EXOC6: variants seen among roughly 807,000 people sequenced by gnomAD.
EXOC6 encodes exocyst complex component 6, also known as SEC15-like 1.
A neutral mutation model predicts 112.5 loss-of-function variants in EXOC6; 60 were observed. That is an observed-to-expected ratio of 0.53 (90% CI 0.43 to 0.66). The LOEUF (loss-of-function observed/expected upper bound fraction) is 0.66. EXOC6 is among the 30% of genes least tolerant of loss of function. EXOC6 has a pLI of 0.00. For synonymous variants in EXOC6, 295 were observed against 308.0 expected, an observed-to-expected ratio of 0.96 and a Z score of 0.44; for missense variants, 855 against 957.1, an observed-to-expected ratio of 0.89 and a Z score of 1.41.
At chr10:92,839,317 G>A (rs896166085) in intron 1 of EXOC6, among the ~76,000 whole-genome samples, 4 of 152,136 alleles carry the variant, frequency 2.6e-5, no homozygotes, top group African/African-American at 7.2e-5. Flanking sequence ...GCTAGGGGGC[G>A]TGACTGTCCC....
At chr10:92,994,254 A>G (rs1324238943) in intron 18 of EXOC6, among the ~76,000 whole-genome samples, 2 of 152,218 alleles carry the variant, frequency 1.3e-5, no homozygotes, top group African/African-American at 4.8e-5. Context: ...CCATGGAAGG[A>G]TGCATATGGT....
chr10:92,958,677 A>G (rs1420016542), intron 17 of EXOC6, among the ~76,000 whole-genome samples: 1 of 152,170 alleles, frequency 6.6e-6, no homozygotes, highest in Non-Finnish European at 1.5e-5. Context: ...AAGTTTTTCT[A>G]TGGATGTTGA....
At chr10:92,940,515 C>G (rs1019156497) in intron 12 of EXOC6, among the ~76,000 whole-genome samples, 1 of 152,074 alleles carries the variant, frequency 6.6e-6, no homozygotes, top group African/African-American at 2.4e-5. Context: ...AATGGAAAAA[C>G]CATTCTATTC....
intron 1 of EXOC6, among the ~76,000 whole-genome samples, chr10:92,892,506 C>G (rs1025530066): frequency 2.6e-5 from 4 of 152,228 alleles, no homozygotes; most frequent in Admixed American, 1.3e-4. Context: ...TTGCTGACCT[C>G]CTGCCCCTCC....
In EXOC6 at chr10:92,925,225, A is replaced by T. The variant is rs890583202; in HGVS notation, c.889-3114A>T. Among the ~76,000 whole-genome samples, 11 of 152,186 alleles carry T rather than the reference A, an allele frequency of 7.2e-5. No individual in the cohort carries two copies. The East Asian group carries it at 1.9e-3, about 27-fold the overall frequency. Reference sequence around the variant, plus strand: ...AATGAGAAACTGATTTATTGTCTTGATTTTAAGGGTGTGAATGCACAAAAC... The same window carrying T: ...AATGAGAAACTGATTTATTGTCTTGTTTTTAAGGGTGTGAATGCACAAAAC... On this transcript the variant is annotated intron_variant, in intron 8 of 21. Coordinates refer to ENST00000260762, the MANE Select transcript of EXOC6 (RefSeq NM_019053.6).
chr10:92,964,385 A>C (rs1841957774), intron 17 of EXOC6, among the ~76,000 whole-genome samples: 1 of 152,032 alleles, frequency 6.6e-6, no homozygotes, highest in East Asian at 1.9e-4. Context: ...TTGGATAATG[A>C]GTTGGATGCT....
intron 20 of EXOC6, among the ~76,000 whole-genome samples, chr10:93,043,184 C>T (rs1056165619): frequency 6.6e-6 from 1 of 152,084 alleles, no homozygotes; most frequent in African/African-American, 2.4e-5. Flanking sequence ...ATCCACCCGC[C>T]TCGGCCTCCC....
At position 92,894,799 on chromosome 10, in the gene EXOC6, A is replaced by T. The variant is rs1358671972; in HGVS notation, c.279A>T (p.Gln93His). ...VRTDAEKLKV[Q>H]VTDTNRRFQD... Reference sequence around the variant, plus strand: ...GGTGAAATTAAATTTTTAAGGTGCAAGTTACTGATACCAACCGAAGGTTTC... The same window carrying T: ...GGTGAAATTAAATTTTTAAGGTGCATGTTACTGATACCAACCGAAGGTTTC... Residue 93 changes from glutamine to histidine, a missense_variant, in exon 3 of 22, where the codon CAA (glutamine) becomes CAT (histidine). By Grantham distance (24) the Gln-to-His change is conservative (BLOSUM62 0). Transcript: ENST00000260762. 6.2e-7 allele frequency: 1 copy of T among 1,613,400 alleles called. No individual in the cohort carries two copies. The highest frequency in any genetic ancestry group is 8.5e-7 in the Non-Finnish European group (1 of 1,179,618).
At chr10:92,975,454 C>T (rs1054867095) in intron 18 of EXOC6, among the ~76,000 whole-genome samples, 15 of 150,354 alleles carry the variant, frequency 1.0e-4, no homozygotes, top group African/African-American at 3.7e-4. Flanking sequence ...GCCCGGCAGC[C>T]GCCCCGTCCG....
chr10:92,893,479 A>G lies in EXOC6; in HGVS notation c.232A>G (p.Thr78Ala), dbSNP rs762148486. 6.2e-7 allele frequency: 1 copy of G among 1,612,338 alleles called. No individual in the cohort carries two copies. Among genetic ancestry groups the G allele is most frequent in the Middle Eastern group, 1.6e-4 (1 of 6,062 alleles). The change falls in exon 2 of 22, where the codon ACA becomes GCA. Residue 78 changes from threonine to alanine, a missense_variant. Physicochemically the swap from Thr to Ala is moderately conservative, Grantham distance 58 (BLOSUM62 0). Transcript: ENST00000260762. ...TCATCAGGGTTTTGTAGATGCTATT[A>G]CAGAACTCCTTAAAGTAAGGACTGA... ...FHHQGFVDAI[T>A]ELLKVRTDAE...
At chr10:92,958,358 C>A (rs1853806698) in intron 17 of EXOC6, among the ~76,000 whole-genome samples, 1 of 152,192 alleles carries the variant, frequency 6.6e-6, no homozygotes, top group Admixed American at 6.5e-5. Context: ...CATCAGGGAT[C>A]TTTAACTTGG....
intron 2 of EXOC6, 110 bp from the exon 3 acceptor site, chr10:92,894,684 T>G (rs1849663875): frequency 7.4e-6 from 6 of 813,424 alleles, no homozygotes; most frequent in Non-Finnish European, 9.8e-6. Context: ...GAATTTGCAT[T>G]TCTTTGTTCT....
At chr10:93,029,140 C>T (rs1845157772) in intron 20 of EXOC6, among the ~76,000 whole-genome samples, 1 of 152,200 alleles carries the variant, frequency 6.6e-6, no homozygotes, top group Non-Finnish European at 1.5e-5. Context: ...AACATTGCTA[C>T]TGGCTGAAGG....
At chr10:93,051,773 A>G (rs762402671) in intron 20 of EXOC6, among the ~76,000 whole-genome samples, 1 of 152,176 alleles carries the variant, frequency 6.6e-6, no homozygotes, top group Non-Finnish European at 1.5e-5. Context: ...AAGGACAAGT[A>G]TTTCTTCCTT....
At chr10:92,945,318 T>C (rs969479374) in intron 13 of EXOC6, among the ~76,000 whole-genome samples, 1 of 152,244 alleles carries the variant, frequency 6.6e-6, no homozygotes, top group African/African-American at 2.4e-5. Flanking sequence ...TCTCCCAGTC[T>C]GTAACTTGCC....
At chr10:92,991,986 A>G (rs1043053861) in intron 18 of EXOC6, among the ~76,000 whole-genome samples, 3 of 152,064 alleles carry the variant, frequency 2.0e-5, no homozygotes, top group Non-Finnish European at 4.4e-5. Context: ...ATTTGGGGGA[A>G]TGTTGTGGGT....
At chr10:93,035,787 G>T (rs891422009) in intron 20 of EXOC6, among the ~76,000 whole-genome samples, 2 of 152,158 alleles carry the variant, frequency 1.3e-5, no homozygotes, top group African/African-American at 4.8e-5. Context: ...CCTGGCCTGC[G>T]GAGGTTGCAG....
intron 1 of EXOC6, among the ~76,000 whole-genome samples, chr10:92,880,895 G>C (rs1848930344): frequency 6.6e-6 from 1 of 152,140 alleles, no homozygotes; most frequent in Non-Finnish European, 1.5e-5. Context: ...AATATTTTAA[G>C]TTTAATACTA....
intron 20 of EXOC6, among the ~76,000 whole-genome samples, chr10:93,039,179 T>C (rs1035605752): frequency 6.6e-6 from 1 of 152,204 alleles, no homozygotes; most frequent in African/African-American, 2.4e-5. Context: ...TTGCTGAAGG[T>C]ATTTTTTTTA....
Sources: allele counts gnomAD v4.1 joint callset (sites outside exome capture counted in the v4.1 genomes callset), GRCh38; gene constraint gnomAD v4.1.1; transcripts MANE v1.5; gene names NCBI Gene and HGNC (gene_info 2026-07-23, HGNC 2026-07-21).